SNAPC3: variants seen among roughly 807,000 people sequenced by gnomAD.
The protein encoded by SNAPC3 is snRNA-activating protein complex subunit 3.
In SNAPC3, 56 loss-of-function variants were observed where a neutral mutation model predicts 47.7. The ratio of observed to expected loss-of-function variants is 1.18; its 90% CI spans 0.95 to 1.47. The LOEUF is 1.47. Among genes scored for constraint, SNAPC3 ranks in the 40% most tolerant of loss-of-function variants. The pLI is 0.00. For missense variants in SNAPC3, 665 were observed against 511.3 expected (o/e 1.30, Z -2.90); for synonymous variants, 235 against 189.9 (o/e 1.24, Z -1.95).
chr9:15,441,732 C>G (rs1222771547), intron 3 of SNAPC3, among the ~76,000 whole-genome samples: 2 of 152,160 alleles, frequency 1.3e-5, no homozygotes, highest in Admixed American at 6.5e-5. Context: ...AGATTAACAG[C>G]ATCCCAAGGC....
chr9:15,465,605 A>C (rs761258109), downstream of SNAPC3: 1 of 1,528,836 alleles, frequency 6.5e-7, no homozygotes, highest in East Asian at 2.3e-5. Context: ...GAAAGGTACA[A>C]CTGGAATTAG....
chr9:15,438,273 G>A (rs947290320), intron 3 of SNAPC3, among the ~76,000 whole-genome samples: 7 of 152,082 alleles, frequency 4.6e-5, no homozygotes, highest in African/African-American at 1.7e-4. Context: ...GCAAACAGTA[G>A]TTCATAGTTT....
intron 8 of SNAPC3, among the ~76,000 whole-genome samples, chr9:15,458,376 T>C (rs1471518869): frequency 6.6e-6 from 1 of 152,190 alleles, no homozygotes; most frequent in Non-Finnish European, 1.5e-5. Context: ...ATAGAATACA[T>C]TCAAGAAAAG....
intron 7 of SNAPC3, among the ~76,000 whole-genome samples, chr9:15,454,804 G>T (rs888505075): frequency 6.6e-6 from 1 of 152,130 alleles, no homozygotes; most frequent in Non-Finnish European, 1.5e-5. Flanking sequence ...CGTGGTGGTG[G>T]GCACCTGTAG....
intron 8 of SNAPC3, among the ~76,000 whole-genome samples, chr9:15,459,391 T>C (rs779928558): frequency 1.3e-5 from 2 of 152,212 alleles, no homozygotes; most frequent in Non-Finnish European, 2.9e-5. Context: ...TAGAAGAAAA[T>C]GACTATATTC....
intron 3 of SNAPC3, among the ~76,000 whole-genome samples, chr9:15,440,363 T>C (rs2131838928): frequency 6.6e-6 from 1 of 152,380 alleles, no homozygotes. Flanking sequence ...ACAGGTCAGG[T>C]CTGCTGGTAG....
chr9:15,426,144 G>A (rs1563837614), intron 2 of SNAPC3, among the ~76,000 whole-genome samples: 2 of 152,138 alleles, frequency 1.3e-5, no homozygotes, highest in Admixed American at 6.5e-5. Context: ...ATGAGCCACC[G>A]CACCTGGCCC....
At chr9:15,426,365 G>T (rs932577402) in intron 2 of SNAPC3, among the ~76,000 whole-genome samples, 1 of 152,058 alleles carries the variant, frequency 6.6e-6, no homozygotes, top group Non-Finnish European at 1.5e-5. Context: ...TGCTCATGTA[G>T]CACCCTATGC....
downstream of SNAPC3, chr9:15,465,650 GTC>G: frequency 7.8e-7 from 1 of 1,282,874 alleles, no homozygotes; most frequent in South Asian, 1.3e-5. Context: ...AAGACATTAA[GTC>G]TGCATTATAT....
intron 2 of SNAPC3, among the ~76,000 whole-genome samples, chr9:15,429,166 C>T (rs1002962713): frequency 3.3e-5 from 5 of 151,862 alleles, no homozygotes; most frequent in African/African-American, 9.7e-5. Flanking sequence ...GAAAAACTGA[C>T]ATACAAAGCA....
At chr9:15,438,904 A>G (rs79848839) in intron 3 of SNAPC3, among the ~76,000 whole-genome samples, 1 of 152,008 alleles carries the variant, frequency 6.6e-6, no homozygotes, top group African/African-American at 2.4e-5. Flanking sequence ...TTGATCTTCT[A>G]TCTAGTTGTT....
chr9:15,422,921 G>T lies in SNAPC3; in HGVS notation c.42G>T (p.Val14=). The change falls in exon 1 of 9, where the codon GTG becomes GTT. Residue 14 remains valine, a synonymous_variant. Coordinates refer to ENST00000380821, the MANE Select transcript of SNAPC3 (RefSeq NM_001039697.2). ...GSRGGPTCSG[V]GGRQDPVSGS... is the part of the protein sequence containing the mutation. ...GAGGTGGCCCTACGTGTAGCGGGGTGGGTGGCAGGCAGGACCCAGTCTCCG... is the reference window on the plus strand; with the variant it reads ...GAGGTGGCCCTACGTGTAGCGGGGTTGGTGGCAGGCAGGACCCAGTCTCCG... The T allele has an allele frequency of 6.5e-7, 1 of 1,537,316 alleles. No homozygotes were observed. Among genetic ancestry groups the T allele is most frequent in the Non-Finnish European group, 8.7e-7 (1 of 1,143,184 alleles).
chr9:15,429,399 C>G (rs182455204), intron 2 of SNAPC3, among the ~76,000 whole-genome samples: 3 of 152,068 alleles, frequency 2.0e-5, no homozygotes. Flanking sequence ...AGCAAAAGGA[C>G]TAATACAGAG....
intron 4 of SNAPC3, among the ~76,000 whole-genome samples, chr9:15,446,005 T>A (rs1053572865): frequency 6.6e-6 from 1 of 152,142 alleles, no homozygotes; most frequent in Non-Finnish European, 1.5e-5. Flanking sequence ...AACCAAAGTA[T>A]GAATCTGGGT....
downstream of SNAPC3, chr9:15,463,514 G>A (rs1396695160): frequency 8.2e-6 from 1 of 122,406 alleles, no homozygotes; most frequent in African/African-American, 2.7e-5. Flanking sequence ...GGGGTGGGGT[G>A]GGGTGGGGTG....
At chr9:15,461,668 G>A (rs553224935), downstream of SNAPC3, 1 of 152,322 alleles carries the variant, frequency 6.6e-6, no homozygotes, top group African/African-American at 2.4e-5. Context: ...GGATGGCTAA[G>A]AACAGACATT....
At chr9:15,429,270 A>G (rs1201727038) in intron 2 of SNAPC3, among the ~76,000 whole-genome samples, 1 of 152,210 alleles carries the variant, frequency 6.6e-6, no homozygotes, top group African/African-American at 2.4e-5. Context: ...TGTCAAGGTT[A>G]TAGAAAAAGA....
chr9:15,429,252 T>C (rs767530018), intron 2 of SNAPC3, among the ~76,000 whole-genome samples: 3 of 152,202 alleles, frequency 2.0e-5, no homozygotes, highest in Non-Finnish European at 4.4e-5. Flanking sequence ...TAACTGAATG[T>C]TCTCAAATGT....
At chr9:15,451,900 A>G (rs913524185) in intron 6 of SNAPC3, among the ~76,000 whole-genome samples, 1 of 152,162 alleles carries the variant, frequency 6.6e-6, no homozygotes, top group African/African-American at 2.4e-5. Context: ...CATTTTAATG[A>G]GACCATACTT....
Sources: gnomAD v4.1 joint callset for allele counts (sites outside exome capture counted in the v4.1 genomes callset) on GRCh38, gnomAD v4.1.1 for gene constraint, MANE v1.5 for transcripts, NCBI Gene and HGNC (gene_info 2026-07-23, HGNC 2026-07-21) for gene names.